The following MDN1 variants were observed in gnomAD, a reference collection of about 807,000 sequenced individuals.
MDN1 encodes midasin.
A neutral mutation model predicts 669.2 loss-of-function variants in MDN1; 266 were observed. The ratio of observed to expected loss-of-function variants is 0.40; its 90% CI spans 0.36 to 0.44. The LOEUF (loss-of-function observed/expected upper bound fraction) is 0.44. MDN1 is among the 20% of genes least tolerant of loss of function. The probability of loss-of-function intolerance (pLI) is 1.00; values close to 1 mark genes in which losing one functional copy is unlikely to be tolerated. For missense variants in MDN1, 5,940 were observed against 6,754.0 expected (o/e 0.88, Z 4.22); for synonymous variants, 2,385 against 2,457.1 (o/e 0.97, Z 0.87).
chr6:89,779,328 C>T (rs949732015), intron 11 of MDN1, among the ~76,000 whole-genome samples: 7 of 152,118 alleles, frequency 4.6e-5, no homozygotes, highest in African/African-American at 9.7e-5. Flanking sequence ...CCACCTTTAC[C>T]GCTATGATTT....
intron 59 of MDN1, among the ~76,000 whole-genome samples, chr6:89,696,996 G>A (rs961816119): frequency 1.3e-5 from 2 of 152,192 alleles, no homozygotes; most frequent in Admixed American, 6.5e-5. Context: ...GCAAAGGGTT[G>A]TCAAAGGGTG....
At chr6:89,764,936 C>CA (rs1188853386) in intron 15 of MDN1, among the ~76,000 whole-genome samples, 2 of 152,170 alleles carry the variant, frequency 1.3e-5, no homozygotes, top group African/African-American at 4.8e-5. Flanking sequence ...GACTGGGTTA[C>CA]AAAGCAAGAC....
chr6:89,654,392 A>T, intron 92 of MDN1, 58 bp from the exon 93 acceptor site: 1 of 1,591,768 alleles, frequency 6.3e-7, no homozygotes, highest in Non-Finnish European at 8.6e-7. Flanking sequence ...GAACAAAATA[A>T]TAATAAGTGG....
At chr6:89,698,829 C>T (rs1438789476) in intron 59 of MDN1, 36 bp downstream of exon 59, 2 of 1,607,452 alleles carry the variant, frequency 1.2e-6, no homozygotes, top group Non-Finnish European at 1.7e-6. Flanking sequence ...TCTTTTGCCA[C>T]TATCAAACAT....
At chr6:89,694,925 T>C (rs1247900034) in intron 61 of MDN1, among the ~76,000 whole-genome samples, 2 of 152,136 alleles carry the variant, frequency 1.3e-5, no homozygotes, top group Non-Finnish European at 1.5e-5. Flanking sequence ...GGATACTATA[T>C]TCTATCTAAA....
intron 101 of MDN1, 101 bp from the exon 102 acceptor site, chr6:89,644,294 G>T: frequency 1.0e-6 from 1 of 954,026 alleles, no homozygotes; most frequent in Non-Finnish European, 1.5e-6. Context: ...CATCTCCTGT[G>T]TCTTATTCCT....
In MDN1 at chr6:89,758,120, G is replaced by A. The variant is rs1817344186; in HGVS notation, c.2702+135C>T. ...TCCCGGCTATTCAGGATTCTGAGGT[G>A]GGAGGTGGGAGGTGGGAGGACTGCT... On this transcript the variant is annotated intron_variant, in intron 19 of 101. Coordinates refer to ENST00000369393, the MANE Select transcript of MDN1 (RefSeq NM_014611.3). 3 of 647,490 alleles carry A rather than the reference G, an allele frequency of 4.6e-6. No individual in the cohort carries two copies. The East Asian group carries it at 8.3e-5, about 18-fold the overall frequency. The allele number at this position is 647,490 out of a possible 1,614,324, so 40.1% of individuals were successfully genotyped here.
At chr6:89,744,127 A>G (rs1207069469) in intron 29 of MDN1, among the ~76,000 whole-genome samples, 1 of 151,538 alleles carries the variant, frequency 6.6e-6, no homozygotes, top group Non-Finnish European at 1.5e-5. Context: ...AAAAAAAAAA[A>G]AAAACCACCA....
chr6:89,765,027 T>C (rs1489928702), intron 15 of MDN1, among the ~76,000 whole-genome samples: 1 of 151,964 alleles, frequency 6.6e-6, no homozygotes, highest in Non-Finnish European at 1.5e-5. Flanking sequence ...GAGGCAGAGG[T>C]GGGCGGATCA....
At chr6:89,804,893 G>T (rs1187314516) in intron 1 of MDN1, among the ~76,000 whole-genome samples, 21 of 151,912 alleles carry the variant, frequency 1.4e-4, no homozygotes, top group Admixed American at 1.4e-3. Flanking sequence ...AAAATTAGCT[G>T]GGCGAGGTGG....
chr6:89,798,897 G>A (rs1211269810), intron 2 of MDN1, among the ~76,000 whole-genome samples: 2 of 152,142 alleles, frequency 1.3e-5, no homozygotes, highest in African/African-American at 4.8e-5. Flanking sequence ...CTACCATTCT[G>A]TATTGTTGAA....
At chr6:89,705,863 C>T (rs930574021) in intron 53 of MDN1, among the ~76,000 whole-genome samples, 196 bp downstream of exon 53, 1 of 152,026 alleles carries the variant, frequency 6.6e-6, no homozygotes, top group Non-Finnish European at 1.5e-5. Context: ...TAAATATATG[C>T]AGTTTATAAT....
chr6:89,793,966 G>A lies in MDN1; in HGVS notation c.663-12C>T, dbSNP rs1819425970. ...CCTCTTCTAATAACCTGAGAGAAAG[G>A]AGAGTCTCGTCAATTACCTTACCAC... On this transcript the variant is annotated splice_polypyrimidine_tract_variant and intron_variant, in intron 4 of 101. Transcript: ENST00000369393. 6.2e-7 allele frequency: 1 copy of A among 1,604,248 alleles called. No homozygotes were observed. Among genetic ancestry groups the A allele is most frequent in the Non-Finnish European group, 8.5e-7 (1 of 1,172,648 alleles).
At chr6:89,785,609 A>G (rs534069710) in intron 8 of MDN1, among the ~76,000 whole-genome samples, 4 of 152,226 alleles carry the variant, frequency 2.6e-5, no homozygotes, top group African/African-American at 9.6e-5. Context: ...ATGCTTATGC[A>G]TAGGCCACTT....
chr6:89,739,650 C>G (rs1816180693), intron 32 of MDN1, among the ~76,000 whole-genome samples: 1 of 152,184 alleles, frequency 6.6e-6, no homozygotes, highest in South Asian at 2.1e-4. Flanking sequence ...AGCTGGAAAC[C>G]AACAAGGTTG....
At position 89,794,591 on chromosome 6, in the gene MDN1, G is replaced by A. The variant is rs762381331; in HGVS notation, c.540C>T (p.Asp180=). 18 of 1,613,014 alleles carry A rather than the reference G, an allele frequency of 1.1e-5. No homozygotes were observed. In the Middle Eastern group the frequency reaches 5.7e-4, roughly 52 times the overall value. The change falls in exon 3 of 102, where the codon GAC becomes GAT. Residue 180 remains aspartate, a synonymous_variant. Coordinates refer to ENST00000369393, the MANE Select transcript of MDN1 (RefSeq NM_014611.3). ...SVCVPLLRSH[D]TLVRWYTANC... ...CAGCTACGCACCAGCGAACCAAGGT[G>A]TCATGGCTTCTGAGGAGAGGGACAC...
Position 89,645,026 on chromosome 6 carries a change from G to A in MDN1, c.16591C>T (p.Pro5531Ser), listed in dbSNP as rs1808399141. 2.5e-6 allele frequency: 4 copies of A among 1,595,114 alleles called. No individual in the cohort carries two copies. The South Asian group carries it at 3.3e-5, about 13-fold the overall frequency. The change falls in exon 101 of 102, where the codon CCC becomes TCC. Residue 5531 changes from proline to serine, a missense_variant. Coordinates refer to ENST00000369393, the MANE Select transcript of MDN1 (RefSeq NM_014611.3). The stretch of plus-strand genomic sequence containing the variant: ...TAGTAGTCACTCACCCGTGAACTGG[G>A]ATTGTCCAATACAACAAAGATGACA... ...IFVIFVVLDNPSSRDSILDIK... is the reference protein window; with the variant it reads ...IFVIFVVLDNSSSRDSILDIK...
In MDN1 at chr6:89,747,666, C is replaced by A. The variant is rs530352067; in HGVS notation, c.3763-196G>T. Among the ~76,000 whole-genome samples the A allele has an allele frequency of 3.3e-5, 5 of 151,330 alleles. No homozygotes were observed. The South Asian group carries it at 8.4e-4, about 25-fold the overall frequency. ...CAGCACTTTGGAAGGCCAAGGCGGG[C>A]GGATCACAAGGTCAGGAAATCGAGA... On this transcript the variant is annotated intron_variant, in intron 26 of 101. Transcript: ENST00000369393.
rs371145317 is a variant in MDN1, at chr6:89,650,899, G to C, written c.15916-52C>G. 5.1e-4 allele frequency: 761 copies of C among 1,483,926 alleles called. 2 individuals are homozygous for C. The African/African-American group carries it at 9.6e-3, about 19-fold the overall frequency. 91.9% of individuals were successfully genotyped at this position (1,483,926 alleles called of 1,614,324 possible). The stretch of plus-strand genomic sequence containing the variant: ...CCCTCAGAATGTCAGAGCCAACCAA[G>C]TCTTCTAGCAAGATGCAGGCTTTAA... On this transcript the variant is annotated intron_variant, in intron 95 of 101. Transcript: ENST00000369393.
Sources: gnomAD v4.1 joint callset for allele counts (sites outside exome capture counted in the v4.1 genomes callset) on GRCh38, gnomAD v4.1.1 for gene constraint, MANE v1.5 for transcripts, NCBI Gene and HGNC (gene_info 2026-07-23, HGNC 2026-07-21) for gene names.